CCDC15: variants seen among roughly 807,000 people sequenced by gnomAD.
CCDC15 encodes coiled-coil domain-containing protein 15.
CCDC15 carries 105 observed loss-of-function variants against 114.5 expected under a neutral mutation model. The ratio of observed to expected loss-of-function variants is 0.92; its 90% CI spans 0.78 to 1.08. CCDC15 has a LOEUF of 1.08. Among genes scored for constraint, CCDC15 ranks in the 50% least tolerant of loss-of-function variants. The pLI is 0.00. For missense variants in CCDC15, 1,105 were observed against 1,093.6 expected, an observed-to-expected ratio of 1.01 and a Z score of -0.15; for synonymous variants, 334 against 377.8, an observed-to-expected ratio of 0.88 and a Z score of 1.34.
intron 11 of CCDC15, among the ~76,000 whole-genome samples, chr11:124,998,340 A>ATT (rs59087787): frequency 1.3e-5 from 2 of 152,198 alleles, no homozygotes; most frequent in African/African-American, 4.8e-5. Context: ...TGTTGTATAG[A>ATT]TTTTTGTTTG....
chr11:124,997,982 C>T (rs951992755), intron 11 of CCDC15, among the ~76,000 whole-genome samples: 2 of 152,054 alleles, frequency 1.3e-5, no homozygotes, highest in East Asian at 3.9e-4. Context: ...CAGTGAAGCT[C>T]AAGGAAATGA....
intron 13 of CCDC15, among the ~76,000 whole-genome samples, chr11:125,034,809 A>T (rs1948765090): frequency 6.6e-6 from 1 of 152,144 alleles, no homozygotes; most frequent in Non-Finnish European, 1.5e-5. Flanking sequence ...CAACTCCAGA[A>T]ACCCCAAAAC....
chr11:125,037,085 C>T (rs1402630666), intron 13 of CCDC15, among the ~76,000 whole-genome samples: 3 of 152,052 alleles, frequency 2.0e-5, no homozygotes, highest in Non-Finnish European at 4.4e-5. Flanking sequence ...GCTTAGTAAT[C>T]TTTGGTTAGA....
chr11:124,987,422 A>C lies in CCDC15; in HGVS notation c.1196A>C (p.Glu399Ala). 1 of 1,614,014 alleles carries C rather than the reference A, an allele frequency of 6.2e-7. No homozygotes were observed. The highest frequency in any genetic ancestry group is 1.6e-4 in the Middle Eastern group (1 of 6,062). The change falls in exon 8 of 16, where the codon GAG becomes GCG. Residue 399 changes from glutamate to alanine, a missense_variant. Transcript: ENST00000344762. ...QGIMLKAQSI[E>A]LEEGSIVLKT... ...ATTATGCTGAAAGCCCAGAGTATTGAGCTAGAAGAAGGGAGTATTGTGTTG... is the reference window on the plus strand; with the variant it reads ...ATTATGCTGAAAGCCCAGAGTATTGCGCTAGAAGAAGGGAGTATTGTGTTG...
At position 124,987,818 on chromosome 11, in the gene CCDC15, A is replaced by G. The variant is rs1948199609; in HGVS notation, c.1592A>G (p.Asp531Gly). ...QNILPKYQGQDFLPKDQDFLS... is the reference protein window; with the variant it reads ...QNILPKYQGQGFLPKDQDFLS... ...ATTCTACCTAAATATCAAGGCCAGG[A>G]TTTTCTACCTAAAGACCAGGACTTT... Residue 531 changes from aspartate to glycine, a missense_variant, in exon 8 of 16, where the codon GAT (aspartate) becomes GGT (glycine). Asp to Gly is a moderately conservative substitution (Grantham distance 94). Transcript: ENST00000344762. The G allele has an allele frequency of 1.2e-6, 2 of 1,605,314 alleles. No individual in the cohort carries two copies. The highest frequency in any genetic ancestry group is 1.7e-4 in the Middle Eastern group (1 of 6,054).
rs1200357872 is a variant in CCDC15 at position 124,986,886 on chromosome 11, C to T, written c.898C>T (p.Gln300Ter). Residue 300 changes from glutamine to a stop codon, truncating the protein, a stop_gained and splice_region_variant, in exon 7 of 16, where the codon CAG becomes TAG. Coordinates refer to ENST00000344762, the MANE Select transcript of CCDC15 (RefSeq NM_025004.3). LOFTEE classifies it high-confidence loss of function. ...EDKNKPFSRV[Q>*]KVKFKNPLFV... ...TAAGAACAAACCTTTCAGCAGAGTT[C>T]AGGTAAAGCAATAAGAGAAATTAAA... The T allele has an allele frequency of 3.2e-6, 5 of 1,540,542 alleles. No homozygotes were observed. In the African/African-American group the frequency reaches 4.2e-5, roughly 13 times the overall value.
chr11:125,018,052 TTAATC>T (rs1453107056), intron 13 of CCDC15, among the ~76,000 whole-genome samples: 12 of 152,188 alleles, frequency 7.9e-5, no homozygotes, highest in South Asian at 2.1e-4. Flanking sequence ...TTTTGTAACT[TTAATC>T]TAAGTGTACA....
rs1292350361 is a variant in CCDC15 at position 125,040,943 on chromosome 11, A to G, written c.*232A>G. ...ACCATACGGAGCCTATTATTTTAAA[A>G]TATGATCAGACAAGTAAGGCTTCTC... On this transcript the variant is annotated 3_prime_UTR_variant, in exon 16 of 16. Coordinates refer to ENST00000344762, the MANE Select transcript of CCDC15 (RefSeq NM_025004.3). The G allele has an allele frequency of 2.2e-6, 1 of 457,536 alleles. No individual in the cohort carries two copies. The highest frequency in any genetic ancestry group is 3.9e-6 in the Non-Finnish European group (1 of 256,572). The allele number at this position is 457,536 out of a possible 1,614,324, so 28.3% of individuals were successfully genotyped here. A position where few individuals can be genotyped will look rare whatever the true frequency, so the allele number is the denominator to read the frequency against.
intron 13 of CCDC15, among the ~76,000 whole-genome samples, chr11:125,015,931 A>G (rs1483893973): frequency 1.3e-5 from 2 of 152,004 alleles, no homozygotes; most frequent in African/African-American, 4.8e-5. Flanking sequence ...CTTCTTAACC[A>G]CCCCTGAACT....
At chr11:125,036,078 G>T (rs1474490166) in intron 13 of CCDC15, among the ~76,000 whole-genome samples, 1 of 141,394 alleles carries the variant, frequency 7.1e-6, no homozygotes, top group Admixed American at 7.2e-5. Flanking sequence ...TGAGTTTTGT[G>T]CCTTCGGATA....
intron 13 of CCDC15, among the ~76,000 whole-genome samples, chr11:125,024,736 T>G (rs1481211287): frequency 2.0e-5 from 3 of 152,004 alleles, no homozygotes; most frequent in African/African-American, 4.8e-5. Flanking sequence ...TAAACACAGT[T>G]GTACTTCTTT....
chr11:125,001,179 T>C (rs1207495242), intron 11 of CCDC15, among the ~76,000 whole-genome samples: 2 of 152,166 alleles, frequency 1.3e-5, no homozygotes, highest in East Asian at 1.9e-4. Context: ...CCAAATAGAC[T>C]GCAAAAAGAA....
chr11:124,960,799 C>T (rs1445411541), intron 4 of CCDC15, among the ~76,000 whole-genome samples: 2 of 152,082 alleles, frequency 1.3e-5, no homozygotes, highest in African/African-American at 4.8e-5. Context: ...GAGCTTTTGT[C>T]CAGTTGATAC....
At chr11:125,003,611 T>C (rs1948512631) in intron 11 of CCDC15, among the ~76,000 whole-genome samples, 1 of 152,024 alleles carries the variant, frequency 6.6e-6, no homozygotes, top group South Asian at 2.1e-4. Flanking sequence ...ATTCTGAACA[T>C]TTTAATTTTT....
intron 11 of CCDC15, among the ~76,000 whole-genome samples, chr11:124,999,323 G>T (rs181148625): frequency 1.1e-4 from 16 of 152,060 alleles, no homozygotes; most frequent in African/African-American, 3.6e-4. Context: ...AATTTGGGAA[G>T]TTTTTTGCCA....
intron 11 of CCDC15, among the ~76,000 whole-genome samples, chr11:124,998,846 C>T (rs570451949): frequency 1.9e-4 from 29 of 150,656 alleles, no homozygotes; most frequent in African/African-American, 7.1e-4. Flanking sequence ...TCAAGCGATT[C>T]TCCTGCCTCA....
chr11:125,023,656 G>A (rs771198880), intron 13 of CCDC15, among the ~76,000 whole-genome samples: 28 of 152,028 alleles, frequency 1.8e-4, no homozygotes, highest in Non-Finnish European at 1.5e-4. Context: ...GTTTTGGTGA[G>A]TATGTGGAGA....
chr11:124,985,977 T>G (rs1948150866), intron 6 of CCDC15, among the ~76,000 whole-genome samples: 1 of 152,148 alleles, frequency 6.6e-6, no homozygotes, highest in African/African-American at 2.4e-5. Flanking sequence ...TTTTAAGATT[T>G]TATAGTTTTT....
intron 1 of CCDC15, 109 bp downstream of exon 1, chr11:124,954,479 C>A: frequency 3.0e-6 from 1 of 332,296 alleles, no homozygotes; most frequent in Admixed American, 4.1e-5. Context: ...CATCCTTTCT[C>A]TTCCCTCTCA....
Sources: allele counts gnomAD v4.1 joint callset (sites outside exome capture counted in the v4.1 genomes callset), GRCh38; gene constraint gnomAD v4.1.1; transcripts MANE v1.5; gene names NCBI Gene and HGNC (gene_info 2026-07-23, HGNC 2026-07-21).